The following MALRD1 variants were observed in gnomAD, a reference collection of about 807,000 sequenced individuals.
MALRD1 encodes MAM and LDL receptor class A domain containing 1, also known as MAM and LDL-receptor class A domain-containing protein 1.
In MALRD1, 247 loss-of-function variants were observed where a neutral mutation model predicts 242.1. That is an observed-to-expected ratio of 1.02 (90% CI 0.92 to 1.13). MALRD1 has a LOEUF of 1.13. Ranked by LOEUF, MALRD1 falls within the 50% of genes most tolerant of loss-of-function variation. MALRD1 has a pLI of 0.00. For missense variants in MALRD1, 2,989 were observed against 2,533.1 expected, an observed-to-expected ratio of 1.18 and a Z score of -3.86; for synonymous variants, 995 against 866.6, an observed-to-expected ratio of 1.15 and a Z score of -2.60.
chr10:19,567,020 T>G (rs1412920708), intron 32 of MALRD1, among the ~76,000 whole-genome samples: 5 of 152,164 alleles, frequency 3.3e-5, no homozygotes, highest in Non-Finnish European at 5.9e-5. Flanking sequence ...TCAATGTTAG[T>G]TCATCCAGGA....
At chr10:19,496,106 C>T (rs1837707390) in intron 30 of MALRD1, among the ~76,000 whole-genome samples, 1 of 152,040 alleles carries the variant, frequency 6.6e-6, no homozygotes, top group African/African-American at 2.4e-5. Context: ...ACTTAGACTC[C>T]CAAACAATAA....
chr10:19,499,426 T>G (rs1333011163), intron 31 of MALRD1, among the ~76,000 whole-genome samples: 4 of 145,826 alleles, frequency 2.7e-5, no homozygotes, highest in African/African-American at 7.5e-5. Context: ...CCTCCTCCAA[T>G]CAACTGAAGG....
At chr10:19,356,149 G>A (rs1337979888) in intron 26 of MALRD1, among the ~76,000 whole-genome samples, 2 of 151,472 alleles carry the variant, frequency 1.3e-5, no homozygotes, top group Admixed American at 6.6e-5. Flanking sequence ...ATCTTTCTTG[G>A]TGAGATATAT....
At chr10:19,149,552 A>G (rs149423277) in intron 11 of MALRD1, among the ~76,000 whole-genome samples, 84 of 152,218 alleles carry the variant, frequency 5.5e-4, no homozygotes, top group Admixed American at 1.2e-3. Flanking sequence ...ATTCAAAATT[A>G]TATGTGTTTC....
chr10:19,547,443 T>A (rs1412985246), intron 32 of MALRD1, among the ~76,000 whole-genome samples: 1 of 151,984 alleles, frequency 6.6e-6, no homozygotes, highest in Non-Finnish European at 1.5e-5. Flanking sequence ...CTGATCCTTC[T>A]TATTTGCAAG....
intron 18 of MALRD1, among the ~76,000 whole-genome samples, chr10:19,240,781 G>C (rs751917616): frequency 6.6e-6 from 1 of 152,086 alleles, no homozygotes; most frequent in Non-Finnish European, 1.5e-5. Flanking sequence ...AAGGAATGTT[G>C]ACTTTTGTCA....
chr10:19,659,204 A>G (rs1214179812), intron 36 of MALRD1, among the ~76,000 whole-genome samples: 1 of 152,198 alleles, frequency 6.6e-6, no homozygotes, highest in South Asian at 2.1e-4. Flanking sequence ...TATACACTGC[A>G]TATATTAGGA....
At chr10:19,379,003 CT>C (rs1035936919) in intron 26 of MALRD1, among the ~76,000 whole-genome samples, 3 of 151,752 alleles carry the variant, frequency 2.0e-5, no homozygotes, top group Non-Finnish European at 4.4e-5. Context: ...GGCTGTTCAC[CT>C]TTTTTTTCCT....
At chr10:19,469,558 A>C (rs2131132382) in intron 29 of MALRD1, among the ~76,000 whole-genome samples, 1 of 152,256 alleles carries the variant, frequency 6.6e-6, no homozygotes, top group East Asian at 1.9e-4. Context: ...ATCATGGATG[A>C]ATATTCCTAA....
chr10:19,269,158 C>CT (rs1490632066), intron 19 of MALRD1, among the ~76,000 whole-genome samples: 1 of 152,190 alleles, frequency 6.6e-6, no homozygotes, highest in Non-Finnish European at 1.5e-5. Context: ...ACCCTATAAG[C>CT]TTTGTAATAA....
At chr10:19,342,662 G>A (rs1488499055) in intron 24 of MALRD1, among the ~76,000 whole-genome samples, 2 of 152,120 alleles carry the variant, frequency 1.3e-5, no homozygotes, top group Non-Finnish European at 2.9e-5. Flanking sequence ...ATTAAGCATG[G>A]ACTGAGAATA....
intron 33 of MALRD1, among the ~76,000 whole-genome samples, chr10:19,578,854 T>C (rs898666361): frequency 2.0e-5 from 3 of 152,106 alleles, no homozygotes; most frequent in East Asian, 3.9e-4. Flanking sequence ...TCGGTTTCCA[T>C]ATATACATCT....
chr10:19,607,924 ATTC>A (rs1838716590), intron 35 of MALRD1, 22 bp downstream of exon 35: 1 of 1,548,450 alleles, frequency 6.5e-7, no homozygotes, highest in South Asian at 1.2e-5. Context: ...CCATTCAGAT[ATTC>A]TTGTGATATG....
At chr10:19,495,277 A>G (rs1031096766) in intron 30 of MALRD1, among the ~76,000 whole-genome samples, 7 of 151,946 alleles carry the variant, frequency 4.6e-5, no homozygotes, top group Admixed American at 4.6e-4. Flanking sequence ...ACACCTGGCC[A>G]TAATAATCAC....
chr10:19,501,781 C>T (rs897763689), intron 31 of MALRD1, among the ~76,000 whole-genome samples: 1 of 152,042 alleles, frequency 6.6e-6, no homozygotes, highest in African/African-American at 2.4e-5. Context: ...CCTGTAATCC[C>T]AGCCCTTTGG....
chr10:19,719,817 C>T (rs1284156879), intron 38 of MALRD1, among the ~76,000 whole-genome samples: 1 of 151,418 alleles, frequency 6.6e-6, no homozygotes, highest in African/African-American at 2.4e-5. Flanking sequence ...TCTTTTCTTT[C>T]TTCCTTTTCC....
chr10:19,651,452 A>T (rs544257317), intron 36 of MALRD1, among the ~76,000 whole-genome samples: 34 of 152,332 alleles, frequency 2.2e-4, no homozygotes, highest in Middle Eastern at 3.4e-3. Context: ...TTCTTATTTT[A>T]AAAGAAGGCC....
At position 19,504,664 on chromosome 10, in the gene MALRD1, A is replaced by ATTTTTTT. The variant is rs759213931; in HGVS notation, c.5320+6041_5320+6047dup. ...ACATATAATGACTATATTGTAACACATTTTTTTTTTTTTTTTTTTTTTTTT... is the reference window on the plus strand; with the variant it reads ...ACATATAATGACTATATTGTAACACATTTTTTTTTTTTTTTTTTTTTTTTTTTTTTTT... On this transcript the variant is annotated intron_variant, in intron 31 of 39. Coordinates refer to ENST00000454679, the MANE Select transcript of MALRD1 (RefSeq NM_001142308.3). 1.5e-4 allele frequency among the ~76,000 whole-genome samples: 15 copies of ATTTTTTT among 97,590 alleles called. 2 individuals carry two copies. Among genetic ancestry groups the ATTTTTTT allele is most frequent in the East Asian group, 3.2e-4 (1 of 3,156 alleles). The allele number at this position is 97,590 out of a possible 152,430, so 64.0% of individuals were successfully genotyped here.
At chr10:19,098,994 A>C (rs1160125711) in intron 4 of MALRD1, among the ~76,000 whole-genome samples, 1 of 152,194 alleles carries the variant, frequency 6.6e-6, no homozygotes, top group Non-Finnish European at 1.5e-5. Context: ...ATAGGGCACA[A>C]AAAGCTGGCC....
Sources: allele counts gnomAD v4.1 joint callset (sites outside exome capture counted in the v4.1 genomes callset), GRCh38; gene constraint gnomAD v4.1.1; transcripts MANE v1.5; gene names NCBI Gene and HGNC (gene_info 2026-07-23, HGNC 2026-07-21).